DDX60L: variants seen among roughly 807,000 people sequenced by gnomAD.
DDX60L encodes the protein probable ATP-dependent RNA helicase DDX60-like.
A neutral mutation model predicts 211.6 loss-of-function variants in DDX60L; 191 were observed. The ratio of observed to expected loss-of-function variants is 0.90; its 90% CI spans 0.80 to 1.02. DDX60L has a LOEUF of 1.02. DDX60L is among the 50% of genes least tolerant of loss of function. The pLI, the probability that DDX60L is intolerant of heterozygous loss-of-function variation, is 0.00. For missense variants in DDX60L, 2,007 were observed against 1,984.1 expected (o/e 1.01, Z -0.22); for synonymous variants, 706 against 694.1 (o/e 1.02, Z -0.27).
At chr4:168,414,575 C>T (rs1215878975) in intron 22 of DDX60L, among the ~76,000 whole-genome samples, 1 of 152,066 alleles carries the variant, frequency 6.6e-6, no homozygotes, top group Admixed American at 6.6e-5. Flanking sequence ...ATTGCAGCGC[C>T]ATTCACAATA....
rs549103978 is a variant in DDX60L at position 168,457,764 on chromosome 4, T to G, written c.723+128A>C. On this transcript the variant is annotated intron_variant, in intron 6 of 37. Transcript: ENST00000682922. ...AGAGCATGACATTCTAAGATTCAGA[T>G]AGTATACATGTACTAAGGAGGTATA... The G allele has an allele frequency of 4.4e-6, 2 of 450,458 alleles. 1 individual carries two copies. The highest frequency in any genetic ancestry group is 1.2e-4 in the South Asian group (2 of 16,424). The allele number at this position is 450,458 out of a possible 1,614,324, so 27.9% of individuals were successfully genotyped here. A position where few individuals can be genotyped will look rare whatever the true frequency, so the allele number is the denominator to read the frequency against.
At chr4:168,409,524 A>G (rs1748317724) in intron 22 of DDX60L, among the ~76,000 whole-genome samples, 1 of 152,246 alleles carries the variant, frequency 6.6e-6, no homozygotes, top group African/African-American at 2.4e-5. Context: ...TGCTTATCAT[A>G]TATCTATTCC....
intron 4 of DDX60L, chr4:168,469,994 A>G (rs576766814): frequency 6.6e-6 from 1 of 152,292 alleles, no homozygotes; most frequent in South Asian, 2.1e-4. Flanking sequence ...AAGATAAAGA[A>G]CCCAATTTAA....
chr4:168,361,083 A>G, intron 37 of DDX60L, 66 bp downstream of exon 37: 1 of 1,139,868 alleles, frequency 8.8e-7, no homozygotes, highest in South Asian at 1.3e-5. Flanking sequence ...TACACAAAGG[A>G]AGAGCTATAT....
intron 9 of DDX60L, among the ~76,000 whole-genome samples, chr4:168,447,578 C>T (rs901664351): frequency 2.0e-5 from 3 of 151,992 alleles, no homozygotes; most frequent in Admixed American, 2.0e-4. Flanking sequence ...AAGACATATG[C>T]ACACATTATT....
chr4:168,430,537 C>T lies in DDX60L; in HGVS notation c.1618G>A (p.Val540Met). The change falls in exon 13 of 38, where the codon GTG (valine) becomes ATG (methionine). Residue 540 changes from valine to methionine, a missense_variant. By Grantham distance (21) the Val-to-Met change is conservative. Transcript: ENST00000682922. The stretch of plus-strand genomic sequence containing the variant: ...TCCTTTGGCCGAGTAGTTTGAGTCA[C>T]AATGACTTTCGTAGAGATTGATTCT... Reference protein sequence around the residue: ...SLESISTKVIVTQTTRPKEDS... With the variant: ...SLESISTKVIMTQTTRPKEDS... 3.1e-6 allele frequency: 5 copies of T among 1,611,028 alleles called. No individual in the cohort carries two copies. Among genetic ancestry groups the T allele is most frequent in the Non-Finnish European group, 4.2e-6 (5 of 1,178,742 alleles).
At chr4:168,472,427 T>G (rs1462577424) in intron 3 of DDX60L, 28 bp downstream of exon 3, 37 of 1,477,560 alleles carry the variant, frequency 2.5e-5, no homozygotes, top group Non-Finnish European at 3.1e-5. Context: ...ATAGTATAGC[T>G]CCTTCTTTTT....
chr4:168,406,188 T>C (rs1747719119), intron 23 of DDX60L, 110 bp from the exon 24 acceptor site: 1 of 1,078,304 alleles, frequency 9.3e-7, no homozygotes, highest in African/African-American at 1.6e-5. Context: ...TGCAAACTCC[T>C]TGAGGGCAGA....
chr4:168,456,925 T>C (rs1358878040), intron 6 of DDX60L, among the ~76,000 whole-genome samples: 1 of 151,940 alleles, frequency 6.6e-6, no homozygotes, highest in Non-Finnish European at 1.5e-5. Context: ...AAAATATATA[T>C]ACAGTCTGGG....
chr4:168,379,065 T>C (rs1742461507), intron 32 of DDX60L, among the ~76,000 whole-genome samples: 2 of 152,208 alleles, frequency 1.3e-5, no homozygotes, highest in Admixed American at 6.5e-5. Context: ...TGAAGCATAC[T>C]AAAATCATAT....
intron 23 of DDX60L, 87 bp downstream of exon 23, chr4:168,406,515 G>C: frequency 1.1e-6 from 1 of 894,976 alleles, no homozygotes; most frequent in Non-Finnish European, 1.7e-6. Flanking sequence ...GAGAGAATAA[G>C]TGTGCTTACC....
intron 1 of DDX60L, 49 bp from the exon 2 acceptor site, chr4:168,472,858 A>T: frequency 1.4e-6 from 1 of 720,314 alleles, no homozygotes; most frequent in Admixed American, 3.1e-5. Flanking sequence ...AAACAAAGAA[A>T]TGGACCCAAA....
intron 33 of DDX60L, among the ~76,000 whole-genome samples, 197 bp downstream of exon 33, chr4:168,378,157 T>C (rs1375809908): frequency 6.6e-6 from 1 of 152,224 alleles, no homozygotes; most frequent in Non-Finnish European, 1.5e-5. Context: ...ACTTTAGGGA[T>C]AAGAATTGTT....
In DDX60L at chr4:168,406,709, G is replaced by T. The variant is rs544760046; in HGVS notation, c.2980-3C>A. 5.1e-6 allele frequency: 8 copies of T among 1,554,590 alleles called. No homozygotes were observed. The highest frequency in any genetic ancestry group is 6.1e-6 in the Non-Finnish European group (7 of 1,145,084). ...GGTGGGAATCCATACTTTTCAATCT[G>T]TGAATAAACAAATTAATGGATGGAT... On this transcript the variant is annotated splice_polypyrimidine_tract_variant and splice_region_variant and intron_variant, in intron 22 of 37. Coordinates refer to ENST00000682922, the MANE Select transcript of DDX60L (RefSeq NM_001012967.3).
chr4:168,392,500 C>T (rs1439982218), intron 28 of DDX60L, among the ~76,000 whole-genome samples: 1 of 151,966 alleles, frequency 6.6e-6, no homozygotes, highest in African/African-American at 2.4e-5. Flanking sequence ...ATGAAAGGCT[C>T]AAATCACCAA....
intron 4 of DDX60L, among the ~76,000 whole-genome samples, chr4:168,466,672 T>G (rs1324486811): frequency 6.6e-6 from 1 of 152,226 alleles, no homozygotes; most frequent in East Asian, 1.9e-4. Flanking sequence ...ATGGCATCAC[T>G]GGTTGTCACT....
In DDX60L at chr4:168,373,666, C is replaced by T; in HGVS notation, c.4776G>A (p.Gln1592=). 2 of 1,613,008 alleles carry T rather than the reference C, an allele frequency of 1.2e-6. No individual in the cohort carries two copies. Among genetic ancestry groups the T allele is most frequent in the Non-Finnish European group, 8.5e-7 (1 of 1,179,358 alleles). Residue 1592 remains glutamine, a splice_region_variant and synonymous_variant, in exon 35 of 38, where the codon CAG becomes CAA. Transcript: ENST00000682922. Reference sequence around the variant, plus strand: ...TACATAAGATGTATCCTTCACTTACCTGGTTGATAGTCTCTGGTCGAAGCA... The same window carrying T: ...TACATAAGATGTATCCTTCACTTACTTGGTTGATAGTCTCTGGTCGAAGCA... The part of the protein sequence containing the change: ...NDLLRPETIN[Q]VILRTVGVSG...
intron 7 of DDX60L, among the ~76,000 whole-genome samples, chr4:168,455,054 T>C (rs1332590202): frequency 1.3e-5 from 2 of 152,062 alleles, no homozygotes; most frequent in African/African-American, 4.8e-5. Context: ...TTGGCATATA[T>C]ATTACCATGC....
At chr4:168,442,578 A>T (rs1217421993) in intron 9 of DDX60L, among the ~76,000 whole-genome samples, 1 of 152,114 alleles carries the variant, frequency 6.6e-6, no homozygotes, top group African/African-American at 2.4e-5. Context: ...GGGGCAGGGC[A>T]CAGACAAAGA....
Sources: allele counts gnomAD v4.1 joint callset (sites outside exome capture counted in the v4.1 genomes callset), GRCh38; gene constraint gnomAD v4.1.1; transcripts MANE v1.5; gene names NCBI Gene and HGNC (gene_info 2026-07-23, HGNC 2026-07-21).